The following KHDRBS2 variants were observed in gnomAD, a reference collection of about 807,000 sequenced individuals.
KHDRBS2 encodes KH RNA binding domain containing, signal transduction associated 2.
In KHDRBS2, 26 loss-of-function variants were observed where a neutral mutation model predicts 44.3. The observed-to-expected ratio is 0.59, with a 90% confidence interval of 0.43 to 0.81. KHDRBS2 has a LOEUF of 0.81. Among genes scored for constraint, KHDRBS2 ranks in the 40% least tolerant of loss-of-function variants. KHDRBS2 has a pLI of 0.00. For synonymous variants in KHDRBS2, 194 were observed against 151.1 expected, an observed-to-expected ratio of 1.28 and a Z score of -2.08; for missense variants, 476 against 433.1, an observed-to-expected ratio of 1.10 and a Z score of -0.88.
At chr6:61,902,372 G>T (rs1260596648) in intron 4 of KHDRBS2, among the ~76,000 whole-genome samples, 1 of 152,110 alleles carries the variant, frequency 6.6e-6, no homozygotes, top group Non-Finnish European at 1.5e-5. Flanking sequence ...CAAAGTCAAA[G>T]GGACTTTTCC....
intron 2 of KHDRBS2, among the ~76,000 whole-genome samples, chr6:62,083,187 C>A (rs1358707333): frequency 6.6e-6 from 1 of 151,516 alleles, no homozygotes; most frequent in Non-Finnish European, 1.5e-5. Flanking sequence ...GGCAGAGCAT[C>A]ACAGCAGAGA....
chr6:61,569,750 A>G, the KHDRBS2 span, among the ~76,000 whole-genome samples: 1 of 152,004 alleles, frequency 6.6e-6, no homozygotes, highest in African/African-American at 2.4e-5. Context: ...TCATTACAGA[A>G]CTCTTCACAG....
chr6:61,929,444 C>T (rs183788350), intron 4 of KHDRBS2, among the ~76,000 whole-genome samples: 2 of 152,244 alleles, frequency 1.3e-5, no homozygotes, highest in African/African-American at 2.4e-5. Context: ...ATTTTCATCA[C>T]TTAGTCATCG....
chr6:62,112,020 C>T (rs540632456), intron 2 of KHDRBS2, among the ~76,000 whole-genome samples: 3 of 152,088 alleles, frequency 2.0e-5, no homozygotes, highest in Non-Finnish European at 4.4e-5. Context: ...ATGAACCATA[C>T]TTTGAGAACT....
At chr6:61,846,186 A>T (rs948781638) in intron 6 of KHDRBS2, among the ~76,000 whole-genome samples, 8 of 152,154 alleles carry the variant, frequency 5.3e-5, no homozygotes, top group African/African-American at 1.9e-4. Flanking sequence ...CCCTTTTCTT[A>T]TACATTTCCC....
intron 7 of KHDRBS2, among the ~76,000 whole-genome samples, chr6:61,716,226 C>T (rs1283843652): frequency 6.6e-6 from 1 of 151,838 alleles, no homozygotes; most frequent in Non-Finnish European, 1.5e-5. Context: ...TGCAGCAGTG[C>T]TAATTAAGGG....
intron 1 of KHDRBS2, among the ~76,000 whole-genome samples, chr6:62,197,036 T>C (rs1377629904): frequency 1.3e-5 from 2 of 152,142 alleles, no homozygotes; most frequent in South Asian, 4.1e-4. Flanking sequence ...TAAAAATGAG[T>C]ATATCATGCA....
chr6:61,797,288 T>C (rs1314155764), intron 6 of KHDRBS2, among the ~76,000 whole-genome samples: 1 of 152,112 alleles, frequency 6.6e-6, no homozygotes, highest in African/African-American at 2.4e-5. Context: ...CTTTGCATAA[T>C]GGCATTCTAA....
At chr6:61,587,396 T>C in the KHDRBS2 span, among the ~76,000 whole-genome samples, 1 of 151,988 alleles carries the variant, frequency 6.6e-6, no homozygotes, top group Admixed American at 6.6e-5. Context: ...AACAGGTTTC[T>C]GGGGGCAGAA....
At chr6:62,101,946 C>A (rs901789564) in intron 2 of KHDRBS2, among the ~76,000 whole-genome samples, 1 of 152,164 alleles carries the variant, frequency 6.6e-6, no homozygotes, top group Non-Finnish European at 1.5e-5. Flanking sequence ...ACAAGTATTA[C>A]AACTCTACCA....
the KHDRBS2 span, among the ~76,000 whole-genome samples, chr6:61,619,349 AC>A: frequency 6.6e-6 from 1 of 152,116 alleles, no homozygotes; most frequent in Non-Finnish European, 1.5e-5. Flanking sequence ...ATAGGTGAGA[AC>A]ATACAGTTTT....
At chr6:61,871,136 A>C (rs564382978) in intron 6 of KHDRBS2, among the ~76,000 whole-genome samples, 1 of 152,308 alleles carries the variant, frequency 6.6e-6, no homozygotes, top group East Asian at 1.9e-4. Flanking sequence ...CTTGCTAACT[A>C]GAATAACCAG....
the KHDRBS2 span, among the ~76,000 whole-genome samples, chr6:61,642,187 A>G: frequency 1.3e-5 from 2 of 152,144 alleles, no homozygotes; most frequent in South Asian, 4.1e-4. Flanking sequence ...TCGTATAGTG[A>G]AATTTTTTAT....
At chr6:61,894,090 T>G (rs1032470092) in intron 6 of KHDRBS2, among the ~76,000 whole-genome samples, 1 of 151,916 alleles carries the variant, frequency 6.6e-6, no homozygotes, top group African/African-American at 2.4e-5. Flanking sequence ...ATACAGTAGA[T>G]AGGAAGGGAG....
chr6:62,279,693 A>G (rs1304033035), intron 1 of KHDRBS2, among the ~76,000 whole-genome samples: 1 of 152,250 alleles, frequency 6.6e-6, no homozygotes, highest in Non-Finnish European at 1.5e-5. Flanking sequence ...AGCAGTACTC[A>G]GTTTTATTGG....
At chr6:62,059,488 C>A (rs557484616) in intron 2 of KHDRBS2, among the ~76,000 whole-genome samples, 1 of 151,048 alleles carries the variant, frequency 6.6e-6, no homozygotes, top group Non-Finnish European at 1.5e-5. Context: ...TAAGACATGG[C>A]AATTTATTAT....
At chr6:62,214,297 A>G (rs955708627) in intron 1 of KHDRBS2, among the ~76,000 whole-genome samples, 2 of 152,184 alleles carry the variant, frequency 1.3e-5, no homozygotes, top group Non-Finnish European at 2.9e-5. Flanking sequence ...ATATCAAATT[A>G]GAACAGCCAT....
intron 6 of KHDRBS2, among the ~76,000 whole-genome samples, chr6:61,793,678 A>T (rs2127586457): frequency 6.6e-6 from 1 of 152,218 alleles, no homozygotes; most frequent in Admixed American, 6.5e-5. Context: ...CAATATGTTA[A>T]TAATATTTCA....
chr6:61,837,406 G>T (rs1223517707), intron 6 of KHDRBS2, among the ~76,000 whole-genome samples: 1 of 151,950 alleles, frequency 6.6e-6, no homozygotes, highest in Non-Finnish European at 1.5e-5. Context: ...GTCAGCTATT[G>T]TTTTACTGGA....
Sources: allele counts gnomAD v4.1 joint callset (sites outside exome capture counted in the v4.1 genomes callset), GRCh38; gene constraint gnomAD v4.1.1; transcripts MANE v1.5; gene names NCBI Gene and HGNC (gene_info 2026-07-23, HGNC 2026-07-21).